Variants in NPAS2 observed in about 807,000 individuals in gnomAD.
The protein encoded by NPAS2 is neuronal PAS domain-containing protein 2.
A neutral mutation model predicts 107.5 loss-of-function variants in NPAS2; 23 were observed. The ratio of observed to expected loss-of-function variants is 0.21; its 90% CI spans 0.15 to 0.30. The LOEUF is 0.30. NPAS2 is among the 10% of genes least tolerant of loss of function. The probability of loss-of-function intolerance (pLI) is 1.00; values close to 1 mark genes in which losing one functional copy is unlikely to be tolerated. For missense variants in NPAS2, 756 were observed against 1,043.3 expected (o/e 0.72, Z 3.79); for synonymous variants, 403 against 417.5 (o/e 0.97, Z 0.42).
chr2:100,831,289 C>A (rs1676719676), intron 1 of NPAS2, among the ~76,000 whole-genome samples: 1 of 152,072 alleles, frequency 6.6e-6, no homozygotes, highest in Non-Finnish European at 1.5e-5. Context: ...AAGCAAGACT[C>A]TGTCTCAAAA....
At chr2:100,917,760 G>A (rs900408084) in intron 2 of NPAS2, among the ~76,000 whole-genome samples, 20 of 152,212 alleles carry the variant, frequency 1.3e-4, no homozygotes, top group Admixed American at 9.2e-4. Flanking sequence ...CACAAAAGAT[G>A]AACGAGAAAA....
chr2:100,967,757 C>G lies in NPAS2; in HGVS notation c.908-524C>G, dbSNP rs1314086876. Among the ~76,000 whole-genome samples, 6 of 152,314 alleles carry G rather than the reference C, an allele frequency of 3.9e-5. No homozygotes were observed. The South Asian group carries it at 1.0e-3, about 26-fold the overall frequency. ...GACATCACTATGGGGGGGCTGCAAG[C>G]AGCTCTGGGGAAGGGGGAAGCCTGG... On this transcript the variant is annotated intron_variant, in intron 10 of 20. Coordinates refer to ENST00000335681, the MANE Select transcript of NPAS2 (RefSeq NM_002518.4).
chr2:100,977,610 C>T (rs1334163083), intron 14 of NPAS2, 100 bp from the exon 15 acceptor site: 5 of 967,896 alleles, frequency 5.2e-6, no homozygotes, highest in South Asian at 1.3e-5. Context: ...AGCTGTTCAC[C>T]CCAGTGCGGA....
chr2:100,873,362 G>GTA (rs1371086596), intron 1 of NPAS2, among the ~76,000 whole-genome samples: 15 of 122,544 alleles, frequency 1.2e-4, no homozygotes, highest in African/African-American at 4.9e-4. Context: ...ACACACATAT[G>GTA]TGTATATATA....
intron 7 of NPAS2, among the ~76,000 whole-genome samples, chr2:100,955,525 G>A (rs1573714538): frequency 6.6e-6 from 1 of 152,288 alleles, no homozygotes; most frequent in East Asian, 1.9e-4. Flanking sequence ...TCCTAGACCA[G>A]CTCCACAATA....
chr2:100,925,305 C>T lies in NPAS2; in HGVS notation c.181+11C>T. The T allele has an allele frequency of 6.2e-7, 1 of 1,613,290 alleles. No individual in the cohort carries two copies. Among genetic ancestry groups the T allele is most frequent in the Non-Finnish European group, 8.5e-7 (1 of 1,179,614 alleles). Reference sequence around the variant, plus strand: ...TGCAGAAACACAATGGTAAAGGTCACCCTTCTCTCTGTTTTTTTTCCACCC... The same window carrying T: ...TGCAGAAACACAATGGTAAAGGTCATCCTTCTCTCTGTTTTTTTTCCACCC... On this transcript the variant is annotated intron_variant, in intron 3 of 20. Transcript: ENST00000335681.
At chr2:100,887,810 T>A (rs1680805747) in intron 1 of NPAS2, among the ~76,000 whole-genome samples, 1 of 152,194 alleles carries the variant, frequency 6.6e-6, no homozygotes, top group African/African-American at 2.4e-5. Flanking sequence ...GGGCCTGGGC[T>A]GGTGCCGGCA....
chr2:100,861,056 G>A (rs1211017551), intron 1 of NPAS2, among the ~76,000 whole-genome samples: 5 of 148,554 alleles, frequency 3.4e-5, no homozygotes, highest in Admixed American at 2.0e-4. Flanking sequence ...TTTTGAAGAC[G>A]AGGTCTCACT....
intron 15 of NPAS2, among the ~76,000 whole-genome samples, chr2:100,979,498 ATATATTTT>A (rs1390370714): frequency 1.4e-4 from 8 of 56,820 alleles, no homozygotes; most frequent in East Asian, 1.1e-3. Context: ...ATATATATAT[ATATATTTT>A]TTTTTTTTTT....
chr2:100,929,833 G>A (rs550070727), intron 3 of NPAS2, among the ~76,000 whole-genome samples: 11 of 152,160 alleles, frequency 7.2e-5, no homozygotes, highest in South Asian at 4.1e-4. Flanking sequence ...GCTTCCTGCC[G>A]TCATGCTAAA....
intron 16 of NPAS2, chr2:100,985,131 ATCCT>A (rs757031553): frequency 3.3e-5 from 5 of 151,886 alleles, no homozygotes; most frequent in Non-Finnish European, 7.3e-5. Flanking sequence ...CCATCTATCC[ATCCT>A]TCCTTCCATC....
At chr2:100,990,948 G>T in intron 19 of NPAS2, 76 bp downstream of exon 19, 1 of 1,243,140 alleles carries the variant, frequency 8.0e-7, no homozygotes, top group South Asian at 1.2e-5. Flanking sequence ...CACCCGCCTG[G>T]GCCAGCAGCA....
At chr2:100,964,816 T>C (rs780507556) in intron 8 of NPAS2, 45 bp from the exon 9 acceptor site, 2 of 1,236,886 alleles carry the variant, frequency 1.6e-6, no homozygotes, top group East Asian at 4.9e-5. Context: ...AGGGTGAGCA[T>C]CTGGCACCCA....
At position 100,921,572 on chromosome 2, in the gene NPAS2, A is replaced by C. The variant is rs1683229396; in HGVS notation, c.33-3574A>C. Among the ~76,000 whole-genome samples, 4 of 152,210 alleles carry C rather than the reference A, an allele frequency of 2.6e-5. No individual in the cohort carries two copies. In the South Asian group the frequency reaches 8.3e-4, roughly 32 times the overall value. ...TACTCTCTCTTTCTTAAACTCAATAAGATGATGACAAACAGCCCAACTGGA... is the reference window on the plus strand; with the variant it reads ...TACTCTCTCTTTCTTAAACTCAATACGATGATGACAAACAGCCCAACTGGA... On this transcript the variant is annotated intron_variant, in intron 2 of 20. Transcript: ENST00000335681.
At chr2:100,866,771 C>T (rs770682743) in intron 1 of NPAS2, among the ~76,000 whole-genome samples, 1 of 152,180 alleles carries the variant, frequency 6.6e-6, no homozygotes, top group Non-Finnish European at 1.5e-5. Flanking sequence ...TACTGACATT[C>T]TATCCAGCAA....
rs6543003 is a variant in NPAS2 at position 100,973,106 on chromosome 2, G to A, written c.1141-1697G>A. Among the ~76,000 whole-genome samples, 1,050 of 152,060 alleles carry A rather than the reference G, an allele frequency of 6.9e-3. 15 individuals are homozygous for A. Among genetic ancestry groups the A allele is most frequent in the African/African-American group, 0.024 (1,010 of 41,472 alleles). ...AGGCAGGAGAATCGCTTCAACCCAG[G>A]AGGCAGAGGTTGCAGTGAGCCGAGA... On this transcript the variant is annotated intron_variant, in intron 12 of 20. Coordinates refer to ENST00000335681, the MANE Select transcript of NPAS2 (RefSeq NM_002518.4).
intron 1 of NPAS2, among the ~76,000 whole-genome samples, chr2:100,880,167 G>A (rs1390263887): frequency 6.6e-6 from 1 of 152,172 alleles, no homozygotes; most frequent in Non-Finnish European, 1.5e-5. Context: ...ATACATGGCT[G>A]GTAGGAATGT....
chr2:100,961,723 C>G (rs1237397213), intron 7 of NPAS2, among the ~76,000 whole-genome samples: 4 of 152,216 alleles, frequency 2.6e-5, no homozygotes, highest in African/African-American at 9.6e-5. Context: ...TCCCACTTCA[C>G]AATCTTTTTC....
chr2:100,854,775 G>A (rs1558810987), intron 1 of NPAS2, among the ~76,000 whole-genome samples: 4 of 152,170 alleles, frequency 2.6e-5, no homozygotes, highest in Non-Finnish European at 5.9e-5. Context: ...GCCCCACAAA[G>A]GGAGTACACT....
Sources: gnomAD v4.1 joint callset for allele counts (sites outside exome capture counted in the v4.1 genomes callset) on GRCh38, gnomAD v4.1.1 for gene constraint, MANE v1.5 for transcripts, NCBI Gene and HGNC (gene_info 2026-07-23, HGNC 2026-07-21) for gene names.